CTNNBL1: variants seen among roughly 807,000 people sequenced by gnomAD.
CTNNBL1 encodes the protein catenin beta like 1.
Under a neutral mutation model 72.7 loss-of-function variants are expected in CTNNBL1, and 31 were observed. The ratio of observed to expected loss-of-function variants is 0.43; its 90% confidence interval spans 0.32 to 0.58. The LOEUF (loss-of-function observed/expected upper bound fraction) is 0.58. Among genes scored for constraint, CTNNBL1 ranks in the 20% least tolerant of loss-of-function variants. CTNNBL1 has a pLI of 0.08. For missense variants in CTNNBL1, 534 were observed against 725.1 expected (o/e 0.74, Z 3.03); for synonymous variants, 240 against 267.3 (o/e 0.90, Z 1.00).
rs572899302 is a variant in CTNNBL1, at chr20:37,860,125, G to A, written c.1530+89G>A. 5.7e-4 allele frequency: 867 copies of A among 1,533,674 alleles called. 1 individual carries two copies. Among genetic ancestry groups the A allele is most frequent in the Non-Finnish European group, 5.6e-4 (623 of 1,113,256 alleles). The stretch of plus-strand genomic sequence containing the variant: ...GTGGACTCTCACTCAGGGAAAGAAG[G>A]GGGTCACGCTCTCCTTGAATTCCTT... On this transcript the variant is annotated intron_variant, in intron 14 of 15. Transcript: ENST00000361383.
At chr20:37,825,456 C>G (rs2072151217) in intron 11 of CTNNBL1, among the ~76,000 whole-genome samples, 1 of 152,144 alleles carries the variant, frequency 6.6e-6, no homozygotes. Context: ...AGGTGAATCA[C>G]TTGAAGTCAG....
intron 1 of CTNNBL1, among the ~76,000 whole-genome samples, chr20:37,707,688 T>C (rs1251666542): frequency 6.6e-6 from 1 of 152,250 alleles, no homozygotes; most frequent in African/African-American, 2.4e-5. Context: ...GTAGCACTTT[T>C]AATATCCTTC....
chr20:37,828,738 T>A (rs190888480), intron 11 of CTNNBL1, among the ~76,000 whole-genome samples: 200 of 152,324 alleles, frequency 1.3e-3, no homozygotes, highest in Admixed American at 2.1e-3. Context: ...GTACCCCGTG[T>A]ATGTGTAAAA....
At chr20:37,864,311 CT>C (rs1472753098) in intron 15 of CTNNBL1, among the ~76,000 whole-genome samples, 1 of 151,886 alleles carries the variant, frequency 6.6e-6, no homozygotes, top group African/African-American at 2.4e-5. Flanking sequence ...GGGTTGCTTC[CT>C]TTTTTTCTTT....
In CTNNBL1 at chr20:37,777,691, T is replaced by C; in HGVS notation, c.861T>C (p.Asp287=). ...RELLGELDGI[D]VLLQQLSVFK... Reference sequence around the variant, plus strand: ...TGCTTGGGGAGCTGGATGGAATCGATGTGCTTCTTCAGCAGTTATCCGTGA... The same window carrying C: ...TGCTTGGGGAGCTGGATGGAATCGACGTGCTTCTTCAGCAGTTATCCGTGA... Residue 287 remains aspartate (D), a synonymous_variant, in exon 9 of 16, where the codon GAT becomes GAC. Transcript: ENST00000361383. The C allele has an allele frequency of 1.9e-6, 3 of 1,613,876 alleles. No individual in the cohort carries two copies. Among genetic ancestry groups the C allele is most frequent in the Non-Finnish European group, 2.5e-6 (3 of 1,179,784 alleles).
intron 5 of CTNNBL1, among the ~76,000 whole-genome samples, chr20:37,759,403 A>G (rs2073394791): frequency 6.6e-6 from 1 of 152,126 alleles, no homozygotes; most frequent in Admixed American, 6.5e-5. Flanking sequence ...AATAGGGAAG[A>G]CGAGAGAGGA....
At chr20:37,726,932 C>CT (rs1482598882) in intron 1 of CTNNBL1, among the ~76,000 whole-genome samples, 1 of 152,044 alleles carries the variant, frequency 6.6e-6, no homozygotes, top group South Asian at 2.1e-4. Flanking sequence ...TAGAAGTTCT[C>CT]TTTTTTCCCC....
chr20:37,694,279 G>T, intron 1 of CTNNBL1, 127 bp downstream of exon 1: 1 of 783,960 alleles, frequency 1.3e-6, no homozygotes. Flanking sequence ...TGCCACCCGG[G>T]GTCTCAGCCC....
At chr20:37,776,149 T>C (rs2073571623) in intron 7 of CTNNBL1, among the ~76,000 whole-genome samples, 1 of 152,208 alleles carries the variant, frequency 6.6e-6, no homozygotes. Context: ...GAAACAAGGC[T>C]TCAAGCTCGC....
chr20:37,768,083 T>G, intron 7 of CTNNBL1, 39 bp downstream of exon 7: 1 of 1,533,624 alleles, frequency 6.5e-7, no homozygotes, highest in Non-Finnish European at 9.0e-7. Context: ...CACACCTGTC[T>G]TTGCTCTGGG....
chr20:37,841,140 G>A (rs1252706647), intron 12 of CTNNBL1, among the ~76,000 whole-genome samples: 1 of 152,218 alleles, frequency 6.6e-6, no homozygotes, highest in African/African-American at 2.4e-5. Flanking sequence ...ATTTATCCTT[G>A]TATAGTTATT....
At chr20:37,868,002 C>A (rs778563735) in intron 15 of CTNNBL1, among the ~76,000 whole-genome samples, 2 of 152,150 alleles carry the variant, frequency 1.3e-5, no homozygotes, top group Admixed American at 6.5e-5. Flanking sequence ...GTGGCCGGCT[C>A]ACTGTGGGAC....
chr20:37,790,570 C>T (rs1454841422), intron 10 of CTNNBL1, among the ~76,000 whole-genome samples: 1 of 152,162 alleles, frequency 6.6e-6, no homozygotes, highest in Non-Finnish European at 1.5e-5. Context: ...TAGTTTGCAC[C>T]TGTTCTCTAG....
Position 37,868,475 on chromosome 20 carries a change from G to GCAGTGCACATA in CTNNBL1, c.1604-3450_1604-3449insCAGTGCACATA, listed in dbSNP as rs2072555863. 2.6e-5 allele frequency among the ~76,000 whole-genome samples: 4 copies of GCAGTGCACATA among 152,308 alleles called. No individual in the cohort carries two copies. In the South Asian group the frequency reaches 8.3e-4, roughly 32 times the overall value. On this transcript the variant is annotated intron_variant, in intron 15 of 15. Transcript: ENST00000361383. ...CATGTGAGACAACCTAGAAAATGCA[G>GCAGTGCACATA]GCACATAGCAGTGCACAGCACATGT...
At chr20:37,820,420 T>G (rs572778301) in intron 11 of CTNNBL1, among the ~76,000 whole-genome samples, 7 of 152,328 alleles carry the variant, frequency 4.6e-5, no homozygotes, top group Admixed American at 3.9e-4. Flanking sequence ...CTCCTTACTA[T>G]TGGAATTCTT....
intron 13 of CTNNBL1, among the ~76,000 whole-genome samples, chr20:37,853,174 C>A (rs992323943): frequency 6.6e-6 from 1 of 152,182 alleles, no homozygotes; most frequent in South Asian, 2.1e-4. Flanking sequence ...GATCTCCACA[C>A]GGGCCAGCTA....
chr20:37,734,021 T>C (rs2073152042), intron 2 of CTNNBL1, among the ~76,000 whole-genome samples: 1 of 152,250 alleles, frequency 6.6e-6, no homozygotes, highest in Non-Finnish European at 1.5e-5. Flanking sequence ...TTTAAATCTT[T>C]AAGTGTTAAC....
At chr20:37,796,389 TC>T (rs941806941) in intron 10 of CTNNBL1, among the ~76,000 whole-genome samples, 13 of 152,076 alleles carry the variant, frequency 8.5e-5, no homozygotes, top group Non-Finnish European at 1.8e-4. Flanking sequence ...TCAGTTGGGC[TC>T]ATTGCATGTG....
At chr20:37,717,246 C>G (rs1032114728) in intron 1 of CTNNBL1, among the ~76,000 whole-genome samples, 1 of 152,152 alleles carries the variant, frequency 6.6e-6, no homozygotes, top group Non-Finnish European at 1.5e-5. Flanking sequence ...TTAAATATTT[C>G]TTTGCCCACT....
Sources: allele counts gnomAD v4.1 joint callset (sites outside exome capture counted in the v4.1 genomes callset), GRCh38; gene constraint gnomAD v4.1.1; transcripts MANE v1.5; gene names NCBI Gene and HGNC (gene_info 2026-07-23, HGNC 2026-07-21).